CDK14: variants seen among roughly 807,000 people sequenced by gnomAD.
The protein encoded by CDK14 is cyclin-dependent kinase 14.
A neutral mutation model predicts 60.7 loss-of-function variants in CDK14; 34 were observed. The ratio of observed to expected loss-of-function variants is 0.56; its 90% CI spans 0.43 to 0.75. The LOEUF (loss-of-function observed/expected upper bound fraction) is 0.75. Ranked by LOEUF, CDK14 falls within the 30% of genes least tolerant of loss-of-function variation. The pLI, the probability that CDK14 is intolerant of heterozygous loss-of-function variation, is 0.00. For synonymous variants in CDK14, 197 were observed against 203.7 expected (o/e 0.97, Z 0.28); for missense variants, 482 against 564.1 (o/e 0.85, Z 1.47).
At chr7:91,064,710 G>C (rs2116144742) in intron 11 of CDK14, among the ~76,000 whole-genome samples, 1 of 152,222 alleles carries the variant, frequency 6.6e-6, no homozygotes, top group Non-Finnish European at 1.5e-5. Flanking sequence ...TTGGTTGCTT[G>C]GGTCCCATCT....
intron 14 of CDK14, among the ~76,000 whole-genome samples, chr7:91,161,659 T>C (rs764505604): frequency 9.2e-5 from 14 of 152,194 alleles, no homozygotes; most frequent in Non-Finnish European, 1.8e-4. Flanking sequence ...ATCCTTTCCT[T>C]TACTGTTTCA....
intron 5 of CDK14, among the ~76,000 whole-genome samples, chr7:90,834,232 A>G (rs147296959): frequency 1.7e-3 from 254 of 152,356 alleles, no homozygotes; most frequent in African/African-American, 6.0e-3. Flanking sequence ...TACAATTACT[A>G]CATTTTCCTA....
At chr7:90,613,524 T>TA (rs1176853422) in intron 2 of CDK14, among the ~76,000 whole-genome samples, 2 of 151,664 alleles carry the variant, frequency 1.3e-5, no homozygotes, top group Non-Finnish European at 2.9e-5. Context: ...CTGTGTCTAC[T>TA]AAAAATACAA....
At chr7:91,108,696 A>G (rs1313614678) in intron 12 of CDK14, among the ~76,000 whole-genome samples, 1 of 152,202 alleles carries the variant, frequency 6.6e-6, no homozygotes, top group Non-Finnish European at 1.5e-5. Flanking sequence ...CTTTCATCCA[A>G]GTTTAATGAT....
chr7:91,097,246 C>T (rs763417488), intron 12 of CDK14, among the ~76,000 whole-genome samples: 20 of 151,570 alleles, frequency 1.3e-4, no homozygotes, highest in Non-Finnish European at 2.8e-4. Context: ...CTGGGTGTGG[C>T]GGCAGGCACT....
At chr7:91,074,199 C>G (rs190533076) in intron 11 of CDK14, among the ~76,000 whole-genome samples, 5 of 152,200 alleles carry the variant, frequency 3.3e-5, no homozygotes, top group Non-Finnish European at 5.9e-5. Flanking sequence ...AATATACATT[C>G]TTCTCAGTCC....
chr7:90,994,984 CAT>C (rs1437816753), intron 10 of CDK14, among the ~76,000 whole-genome samples: 6 of 152,218 alleles, frequency 3.9e-5, no homozygotes, highest in African/African-American at 1.4e-4. Context: ...CAGAACATTA[CAT>C]ATGTTATCTC....
At chr7:90,628,571 A>C (rs1422234151) in intron 2 of CDK14, among the ~76,000 whole-genome samples, 1 of 152,056 alleles carries the variant, frequency 6.6e-6, no homozygotes, top group South Asian at 2.1e-4. Flanking sequence ...CTGTAATTCC[A>C]GTGATTGGGG....
intron 10 of CDK14, among the ~76,000 whole-genome samples, chr7:91,036,905 C>A (rs141350040): frequency 6.6e-6 from 1 of 152,226 alleles, no homozygotes; most frequent in African/African-American, 2.4e-5. Context: ...ATCACTTTTG[C>A]CATATTCTGT....
intron 14 of CDK14, among the ~76,000 whole-genome samples, chr7:91,167,236 A>G (rs373831121): frequency 6.6e-6 from 1 of 152,326 alleles, no homozygotes; most frequent in African/African-American, 2.4e-5. Context: ...ACTGTCTTCT[A>G]AAGATTTTCT....
chr7:90,861,187 C>G (rs1790996705), intron 5 of CDK14, among the ~76,000 whole-genome samples: 1 of 152,072 alleles, frequency 6.6e-6, no homozygotes, highest in Non-Finnish European at 1.5e-5. Flanking sequence ...AGACCTTGAT[C>G]CAGGAGCAAG....
intron 4 of CDK14, among the ~76,000 whole-genome samples, chr7:90,775,762 C>G (rs1805017802): frequency 8.5e-6 from 1 of 118,342 alleles, no homozygotes; most frequent in Non-Finnish European, 1.7e-5. Flanking sequence ...TCCTCCTCCT[C>G]TTTCTCCCCC....
At chr7:90,632,388 C>T (rs1157222287) in intron 2 of CDK14, 3 of 276,838 alleles carry the variant, frequency 1.1e-5, no homozygotes, top group Non-Finnish European at 1.5e-5. Flanking sequence ...CCTTTAGTGC[C>T]CTCTTCTTTT....
At chr7:90,722,827 T>G (rs184582884) in intron 2 of CDK14, among the ~76,000 whole-genome samples, 164 of 152,326 alleles carry the variant, frequency 1.1e-3, no homozygotes, top group African/African-American at 3.7e-3. Context: ...GAGAGAAAGC[T>G]GTACTTTGCA....
intron 6 of CDK14, among the ~76,000 whole-genome samples, chr7:90,870,474 G>A (rs117066720): frequency 0.015 from 2,297 of 152,188 alleles, 34 homozygotes; most frequent in Non-Finnish European, 0.022. Context: ...AAACTTGCAC[G>A]TGTACCCCAA....
intron 4 of CDK14, among the ~76,000 whole-genome samples, chr7:90,754,369 A>C (rs1803971194): frequency 6.6e-6 from 1 of 152,178 alleles, no homozygotes; most frequent in Non-Finnish European, 1.5e-5. Context: ...AACAAAAATA[A>C]GTGATGGGGA....
chr7:91,177,579 A>G (rs1801817321), intron 14 of CDK14, among the ~76,000 whole-genome samples: 1 of 152,272 alleles, frequency 6.6e-6, no homozygotes, highest in South Asian at 2.1e-4. Flanking sequence ...TCAGCCCGAA[A>G]TCTCCTTAAG....
intron 12 of CDK14, among the ~76,000 whole-genome samples, chr7:91,091,400 T>C (rs1425278641): frequency 6.9e-6 from 1 of 143,904 alleles, no homozygotes; most frequent in Non-Finnish European, 1.5e-5. Context: ...CACATATGTA[T>C]ATAAATTGTA....
intron 11 of CDK14, among the ~76,000 whole-genome samples, chr7:91,050,107 C>G (rs886267854): frequency 6.6e-6 from 1 of 152,160 alleles, no homozygotes; most frequent in Non-Finnish European, 1.5e-5. Flanking sequence ...GAGTGGAGGG[C>G]TGATAATGAA....
Sources: allele counts gnomAD v4.1 joint callset (sites outside exome capture counted in the v4.1 genomes callset), GRCh38; gene constraint gnomAD v4.1.1; transcripts MANE v1.5; gene names NCBI Gene and HGNC (gene_info 2026-07-23, HGNC 2026-07-21).